The following TRIM5 variants were observed in gnomAD, a reference collection of about 807,000 sequenced individuals.
TRIM5 encodes tripartite motif-containing protein 5.
A neutral mutation model predicts 35.6 loss-of-function variants in TRIM5; 31 were observed. The ratio of observed to expected loss-of-function variants is 0.87; its 90% CI spans 0.65 to 1.18. The LOEUF is 1.18. Among genes scored for constraint, TRIM5 ranks in the 50% most tolerant of loss-of-function variants. The pLI, the probability that TRIM5 is intolerant of heterozygous loss-of-function variation, is 0.00. For missense variants in TRIM5, 609 were observed against 591.6 expected (o/e 1.03, Z -0.31); for synonymous variants, 243 against 215.6 (o/e 1.13, Z -1.11).
chr11:5,623,105 C>CTTTTTTTTT, the TRIM5 span, among the ~76,000 whole-genome samples: 2 of 106,836 alleles, frequency 1.9e-5, no homozygotes, highest in Admixed American at 9.8e-5. Flanking sequence ...CTGTCTGGAG[C>CTTTTTTTTT]TTTTTTTTTT....
chr11:5,642,354 G>T, the TRIM5 span: 14 of 1,517,680 alleles, frequency 9.2e-6, no homozygotes, highest in East Asian at 2.9e-4. Flanking sequence ...ATGTGGGAGG[G>T]ATGGACACAG....
At chr11:5,641,341 A>T in the TRIM5 span, 1 of 1,505,272 alleles carries the variant, frequency 6.6e-7, no homozygotes, top group Non-Finnish European at 8.9e-7. Flanking sequence ...CCCGATGAGT[A>T]TTTGAGTGTT....
At chr11:5,667,119 C>A (rs1307300057) in intron 5 of TRIM5, among the ~76,000 whole-genome samples, 4 of 152,110 alleles carry the variant, frequency 2.6e-5, no homozygotes, top group African/African-American at 4.8e-5. Context: ...TCCCTGAAAC[C>A]ACTACTGACC....
In TRIM5 at chr11:5,678,538, A is replaced by T. The variant is rs1002735005; in HGVS notation, c.514-104T>A. The T allele has an allele frequency of 1.0e-5, 9 of 872,638 alleles. No individual in the cohort carries two copies. The African/African-American group carries it at 1.5e-4, about 15-fold the overall frequency. The allele number at this position is 872,638 out of a possible 1,614,324, so 54.1% of individuals were successfully genotyped here. A position where few individuals can be genotyped will look rare whatever the true frequency, so the allele number is the denominator to read the frequency against. On this transcript the variant is annotated intron_variant, in intron 3 of 7. Transcript: ENST00000380034. ...TGGGGAGTTCTCACAAGGAGGGGAC[A>T]TAGTAGCAGGAGAGTAGGTCTTAGG...
chr11:5,663,214 A>G lies in TRIM5; in HGVS notation c.*1595T>C. ...TTACATGCTAGAAATGAGTGAAGCTATTCAAAAAACTCGTTTAACTTTTAA... is the reference window on the plus strand; with the variant it reads ...TTACATGCTAGAAATGAGTGAAGCTGTTCAAAAAACTCGTTTAACTTTTAA... On this transcript the variant is annotated 3_prime_UTR_variant, in exon 8 of 8. Transcript: ENST00000380034. The G allele has an allele frequency of 1.1e-6, 1 of 932,528 alleles. No homozygotes were observed. The highest frequency in any genetic ancestry group is 5.0e-5 in the South Asian group (1 of 20,128). 57.8% of individuals were successfully genotyped at this position (932,528 alleles called of 1,614,324 possible).
chr11:5,616,314 A>G, the TRIM5 span, among the ~76,000 whole-genome samples: 110,240 of 144,098 alleles, frequency 0.77, 45,465 homozygotes, highest in East Asian at 0.9. Context: ...AGAGCGAAAC[A>G]CTGTCTCAAA....
chr11:5,642,700 C>A, the TRIM5 span: 1 of 1,456,300 alleles, frequency 6.9e-7, no homozygotes, highest in Non-Finnish European at 9.3e-7. Context: ...CTTTTTAATT[C>A]ACTAGCTCAC....
At chr11:5,632,597 A>T in the TRIM5 span, 1 of 1,613,746 alleles carries the variant, frequency 6.2e-7, no homozygotes. Context: ...TTGAGCCCAG[A>T]CAATGGGAAG....
At chr11:5,594,462 G>A in the TRIM5 span, among the ~76,000 whole-genome samples, 9 of 152,068 alleles carry the variant, frequency 5.9e-5, no homozygotes, top group South Asian at 6.2e-4. Context: ...GGCACGTACC[G>A]CTATGCCTGG....
downstream of TRIM5, among the ~76,000 whole-genome samples, chr11:5,662,656 AT>A (rs1274394195): frequency 3.3e-5 from 5 of 152,138 alleles, no homozygotes; most frequent in African/African-American, 1.2e-4. Flanking sequence ...AAGAACAAAG[AT>A]TTTTTTTCCC....
chr11:5,599,442 C>T, the TRIM5 span, among the ~76,000 whole-genome samples: 6 of 151,216 alleles, frequency 4.0e-5, no homozygotes, highest in Admixed American at 6.6e-5. Context: ...CTCGCTCTGT[C>T]GCCCAGGCTG....
At chr11:5,602,143 T>C in the TRIM5 span, among the ~76,000 whole-genome samples, 1 of 152,102 alleles carries the variant, frequency 6.6e-6, no homozygotes, top group Non-Finnish European at 1.5e-5. Flanking sequence ...TATTAAGTGG[T>C]GTAAGAAGTA....
chr11:5,645,490 T>A, the TRIM5 span, among the ~76,000 whole-genome samples: 2 of 151,556 alleles, frequency 1.3e-5, no homozygotes, highest in East Asian at 3.9e-4. Flanking sequence ...AGGTTTTAAA[T>A]CTCTGTAAAA....
chr11:5,634,545 AT>A, the TRIM5 span: 1 of 948,818 alleles, frequency 1.1e-6, no homozygotes, highest in East Asian at 2.8e-5. Flanking sequence ...ATATATATAT[AT>A]ATTTCCCTAC....
At position 5,683,241 on chromosome 11, in the gene TRIM5, C is replaced by A. The variant is rs573889683; in HGVS notation, c.-62+1627G>T. ...CGTCCCTGACGAGCACCGCCCCCTGCTCCACGGCGCCCAGTCCCATCACCA... is the reference window on the plus strand; with the variant it reads ...CGTCCCTGACGAGCACCGCCCCCTGATCCACGGCGCCCAGTCCCATCACCA... On this transcript the variant is annotated intron_variant, in intron 1 of 7. Coordinates refer to ENST00000380034, the MANE Select transcript of TRIM5 (RefSeq NM_033034.3). 3.1e-4 allele frequency among the ~76,000 whole-genome samples: 47 copies of A among 152,358 alleles called. No homozygotes were observed. The Middle Eastern group carries it at 0.01, about 33-fold the overall frequency.
chr11:5,622,444 CAA>C, the TRIM5 span, among the ~76,000 whole-genome samples: 8 of 116,394 alleles, frequency 6.9e-5, no homozygotes, highest in Non-Finnish European at 3.6e-5. Flanking sequence ...GACTACCTCT[CAA>C]AAAAAAAAAA....
At chr11:5,659,354 T>G (rs1252023810), downstream of TRIM5, among the ~76,000 whole-genome samples, 1 of 152,188 alleles carries the variant, frequency 6.6e-6, no homozygotes, top group Non-Finnish European at 1.5e-5. Context: ...CTCATTTCAC[T>G]AATAACTCAT....
At chr11:5,675,486 T>A (rs1024827947) in intron 4 of TRIM5, among the ~76,000 whole-genome samples, 38 of 151,968 alleles carry the variant, frequency 2.5e-4, no homozygotes, top group African/African-American at 8.9e-4. Flanking sequence ...GAGAAGCCAA[T>A]GTATGAGTAA....
the TRIM5 span, chr11:5,604,452 A>T: frequency 6.9e-7 from 1 of 1,447,282 alleles, no homozygotes; most frequent in Non-Finnish European, 9.2e-7. Flanking sequence ...GGTTAGCAGA[A>T]TCTCTGTCCC....
Sources: allele counts gnomAD v4.1 joint callset (sites outside exome capture counted in the v4.1 genomes callset), GRCh38; gene constraint gnomAD v4.1.1; transcripts MANE v1.5; gene names NCBI Gene and HGNC (gene_info 2026-07-23, HGNC 2026-07-21).